The following TAFA5 variants were observed in gnomAD, a reference collection of about 807,000 sequenced individuals.
The protein encoded by TAFA5 is chemokine-like protein TAFA-5.
In TAFA5, 6 loss-of-function variants were observed where a neutral mutation model predicts 15.3. That is an observed-to-expected ratio of 0.39 (90% CI 0.21 to 0.77). TAFA5 has a LOEUF of 0.77. Ranked by LOEUF, TAFA5 falls within the 30% of genes least tolerant of loss-of-function variation. TAFA5 has a pLI of 0.41. For synonymous variants in TAFA5, 103 were observed against 80.7 expected, an observed-to-expected ratio of 1.28 and a Z score of -1.48; for missense variants, 161 against 193.1, an observed-to-expected ratio of 0.83 and a Z score of 0.98.
At chr22:48,668,831 C>A (rs920998461) in intron 2 of TAFA5, among the ~76,000 whole-genome samples, 1 of 152,246 alleles carries the variant, frequency 6.6e-6, no homozygotes, top group African/African-American at 2.4e-5. Context: ...CCAGGATTAA[C>A]TTCCCTCCTG....
intron 1 of TAFA5, among the ~76,000 whole-genome samples, chr22:48,622,330 G>A (rs951824561): frequency 3.3e-4 from 51 of 152,282 alleles, no homozygotes; most frequent in African/African-American, 1.2e-4. Context: ...TGGGCACCTC[G>A]GAGGGCCTGG....
In TAFA5 at chr22:48,586,033, G is replaced by A. The variant is rs116695484; in HGVS notation, c.113-60564G>A. 2.6e-3 allele frequency among the ~76,000 whole-genome samples: 397 copies of A among 152,330 alleles called. 1 individual carries two copies. Among genetic ancestry groups the A allele is most frequent in the African/African-American group, 9.0e-3 (373 of 41,572 alleles). Reference sequence around the variant, plus strand: ...GGAGAGGAGGGTGGACCCCAGCTTCGGCCTCTGCCCCTGCAGCCTTGTCCC... The same window carrying A: ...GGAGAGGAGGGTGGACCCCAGCTTCAGCCTCTGCCCCTGCAGCCTTGTCCC... On this transcript the variant is annotated intron_variant, in intron 1 of 3. Transcript: ENST00000402357.
intron 2 of TAFA5, among the ~76,000 whole-genome samples, chr22:48,681,916 G>A (rs1377850257): frequency 1.1e-4 from 8 of 71,752 alleles, no homozygotes; most frequent in African/African-American, 3.0e-4. Context: ...GCACAGATCC[G>A]TCCACTGTCC....
In TAFA5 at chr22:48,566,448, G is replaced by A. The variant is rs1186652251; in HGVS notation, c.112+76744G>A. ...AATGGTAGATGGGTGATGAATGATT[G>A]ATTGATGGAGGGATGGATGTTGGAT... On this transcript the variant is annotated intron_variant, in intron 1 of 3. Coordinates refer to ENST00000402357, the MANE Select transcript of TAFA5 (RefSeq NM_001082967.3). This position sits in a 1 kb window ranked among gnomAD's most constrained non-coding sequence, Gnocchi z 4.5. 6.6e-6 allele frequency among the ~76,000 whole-genome samples: 1 copy of A among 151,986 alleles called. No individual in the cohort carries two copies. The highest frequency in any genetic ancestry group is 2.4e-5 in the African/African-American group (1 of 41,384).
chr22:48,584,325 CCA>C (rs1924241358), intron 1 of TAFA5, among the ~76,000 whole-genome samples: 1 of 147,624 alleles, frequency 6.8e-6, no homozygotes, highest in African/African-American at 2.5e-5. Flanking sequence ...ACAAAATACA[CCA>C]CACAGATATC....
At chr22:48,748,645 G>A (rs1371557189) in intron 3 of TAFA5, among the ~76,000 whole-genome samples, 1 of 152,194 alleles carries the variant, frequency 6.6e-6, no homozygotes, top group African/African-American at 2.4e-5. Context: ...GGTAGACGAG[G>A]CTATGACAAG....
At chr22:48,737,200 C>T (rs1277041849) in intron 3 of TAFA5, among the ~76,000 whole-genome samples, 1 of 152,200 alleles carries the variant, frequency 6.6e-6, no homozygotes, top group Non-Finnish European at 1.5e-5. Context: ...ACAGAGAGGC[C>T]TGTCCCACCC....
At chr22:48,702,901 G>A (rs1375895543) in intron 2 of TAFA5, among the ~76,000 whole-genome samples, 2 of 152,244 alleles carry the variant, frequency 1.3e-5, no homozygotes, top group African/African-American at 4.8e-5. Flanking sequence ...TCAAACAAAA[G>A]GTGTTGTGTG....
intron 1 of TAFA5, among the ~76,000 whole-genome samples, chr22:48,535,280 C>A (rs1383652010): frequency 6.6e-6 from 1 of 152,172 alleles, no homozygotes; most frequent in Admixed American, 6.5e-5. Context: ...CAGTCACACT[C>A]CCACACACTG....
chr22:48,692,464 G>A (rs1006892349), intron 2 of TAFA5, among the ~76,000 whole-genome samples: 8 of 152,142 alleles, frequency 5.3e-5, no homozygotes, highest in African/African-American at 1.4e-4. Context: ...GAGTCTCGCC[G>A]TGTTGCCCAG....
chr22:48,634,769 CCACTCATTTAGT>C (rs759372998), intron 1 of TAFA5, among the ~76,000 whole-genome samples: 1 of 151,432 alleles, frequency 6.6e-6, no homozygotes, highest in Admixed American at 6.6e-5. Flanking sequence ...AGTCACTCAG[CCACTCATTTAGT>C]CACTCACTCA....
chr22:48,491,521 G>T (rs939814376), intron 1 of TAFA5, among the ~76,000 whole-genome samples: 1 of 152,214 alleles, frequency 6.6e-6, no homozygotes, highest in African/African-American at 2.4e-5. Flanking sequence ...ACCCCCAGCA[G>T]CTCAGCAGGT....
chr22:48,654,875 A>T (rs1927182344), intron 2 of TAFA5, among the ~76,000 whole-genome samples: 2 of 152,144 alleles, frequency 1.3e-5, no homozygotes, highest in African/African-American at 2.4e-5. Flanking sequence ...AGCAGGGAGC[A>T]ACCTCCTTAT....
At chr22:48,504,106 A>G (rs1920970957) in intron 1 of TAFA5, among the ~76,000 whole-genome samples, 2 of 151,994 alleles carry the variant, frequency 1.3e-5, no homozygotes, top group African/African-American at 2.4e-5. Flanking sequence ...CTGAGAGACA[A>G]CAGAGTGAGA....
At chr22:48,517,198 G>A (rs564080381) in intron 1 of TAFA5, among the ~76,000 whole-genome samples, 5 of 152,224 alleles carry the variant, frequency 3.3e-5, no homozygotes, top group South Asian at 2.1e-4. Context: ...CTGGGCACTC[G>A]GACGTCCACC....
chr22:48,743,255 T>C (rs1229541431), intron 3 of TAFA5, among the ~76,000 whole-genome samples: 4 of 152,176 alleles, frequency 2.6e-5, no homozygotes, highest in African/African-American at 9.7e-5. Flanking sequence ...TCACGGTGTC[T>C]GCTGGGCCGT....
chr22:48,585,688 C>G (rs968601915), intron 1 of TAFA5, among the ~76,000 whole-genome samples: 2 of 151,546 alleles, frequency 1.3e-5, no homozygotes, highest in African/African-American at 4.9e-5. Flanking sequence ...CAAACATACA[C>G]AACGTATACA....
intron 3 of TAFA5, among the ~76,000 whole-genome samples, chr22:48,748,025 G>A (rs1930378554): frequency 6.6e-6 from 1 of 152,184 alleles, no homozygotes; most frequent in Non-Finnish European, 1.5e-5. Context: ...GAGCTGGGAG[G>A]TTTGGTTCTG....
intron 1 of TAFA5, among the ~76,000 whole-genome samples, chr22:48,559,229 C>T (rs1353803734): frequency 6.6e-6 from 1 of 152,242 alleles, no homozygotes; most frequent in Admixed American, 6.5e-5. Context: ...GACGCTCCTC[C>T]TGGGCCACTG....
Sources: allele counts gnomAD v4.1 joint callset (sites outside exome capture counted in the v4.1 genomes callset), GRCh38; gene constraint gnomAD v4.1.1; non-coding constraint Gnocchi (gnomAD v3.1); transcripts MANE v1.5; gene names NCBI Gene and HGNC (gene_info 2026-07-23, HGNC 2026-07-21).